TIGD7: variants seen among roughly 807,000 people sequenced by gnomAD.
The protein encoded by TIGD7 is tigger transposable element derived 7.
TIGD7 carries 26 observed loss-of-function variants against 24.8 expected under a neutral mutation model. That is an observed-to-expected ratio of 1.05 (90% CI 0.77 to 1.45). TIGD7 has a LOEUF of 1.45. Among genes scored for constraint, TIGD7 ranks in the 40% most tolerant of loss-of-function variants. TIGD7 has a pLI of 0.00. For missense variants in TIGD7, 679 were observed against 641.6 expected (o/e 1.06, Z -0.63); for synonymous variants, 221 against 224.1 (o/e 0.99, Z 0.12).
chr16:3,298,919 C>T lies in TIGD7; in HGVS notation c.*46G>A, dbSNP rs745865513. 2 of 781,938 alleles carry T rather than the reference C, an allele frequency of 2.6e-6. No homozygotes were observed. The allele number at this position is 781,938 out of a possible 1,614,324, so 48.4% of individuals were successfully genotyped here. On this transcript the variant is annotated 3_prime_UTR_variant, in exon 2 of 2. Transcript: ENST00000396862. ...TCAGTTGCTAAAACAAGACAATTCA[C>T]AGCTGGCCTACATCATATAATGGCA... is the stretch of plus-strand genomic sequence containing the variant.
At chr16:3,302,948 G>A (rs1321159902) in intron 1 of TIGD7, among the ~76,000 whole-genome samples, 2 of 148,784 alleles carry the variant, frequency 1.3e-5, no homozygotes, top group South Asian at 2.1e-4. Flanking sequence ...GGCCATTCTC[G>A]TGCCTCAGCC....
In TIGD7 at chr16:3,299,315, A is replaced by G. The variant is rs1279433023; in HGVS notation, c.1300T>C (p.Leu434=). Residue 434 remains leucine, a synonymous_variant, in exon 2 of 2, where the codon TTG becomes CTG. Coordinates refer to ENST00000396862, the MANE Select transcript of TIGD7 (RefSeq NM_033208.4). ...TTTAACCACACCCTATCATCATCCAACTTAGTTTCCAACTCCCCACATTTT... is the reference window on the plus strand; with the variant it reads ...TTTAACCACACCCTATCATCATCCAGCTTAGTTTCCAACTCCCCACATTTT... ...LEKCGELETK[L]DDDRVWLNGD... The G allele has an allele frequency of 6.2e-7, 1 of 1,602,280 alleles. No homozygotes were observed. The highest frequency in any genetic ancestry group is 1.3e-5 in the African/African-American group (1 of 74,186).
chr16:3,299,185 A>C lies in TIGD7; in HGVS notation c.1430T>G (p.Leu477Ter). The change falls in exon 2 of 2, where the codon TTA (leucine) becomes TGA (stop). Residue 477 changes from leucine to a stop codon, truncating the protein, a stop_gained. Coordinates refer to ENST00000396862, the MANE Select transcript of TIGD7 (RefSeq NM_033208.4). LOFTEE classifies it high-confidence loss of function. Reference protein sequence around the residue: ...EAEKQTAEFKLSAVRESLDYL... With the variant: ...EAEKQTAEFK ...GTCCAAACTCTCTCTTACAGCAGATAATTTAAATTCAGCAGTCTGCTTCTC... is the reference window on the plus strand; with the variant it reads ...GTCCAAACTCTCTCTTACAGCAGATCATTTAAATTCAGCAGTCTGCTTCTC... The C allele has an allele frequency of 6.3e-7, 1 of 1,592,276 alleles. No homozygotes were observed. The highest frequency in any genetic ancestry group is 1.8e-5 in the Admixed American group (1 of 54,962).
chr16:3,300,365 C>T lies in TIGD7; in HGVS notation c.250G>A (p.Val84Ile). Residue 84 changes from valine to isoleucine, a missense_variant, in exon 2 of 2, where the codon GTC (valine) becomes ATC (isoleucine). Val to Ile is a conservative substitution (Grantham distance 29). Transcript: ENST00000396862. ...GAKYGDVDDA[V>I]YMWYQQKRSA... Reference sequence around the variant, plus strand: ...CGTTTCTGTTGGTACCACATGTAGACCGCATCATCTACATCACCATATTTG... The same window carrying T: ...CGTTTCTGTTGGTACCACATGTAGATCGCATCATCTACATCACCATATTTG... The T allele has an allele frequency of 6.2e-7, 1 of 1,614,228 alleles. No homozygotes were observed. The highest frequency in any genetic ancestry group is 8.5e-7 in the Non-Finnish European group (1 of 1,180,024).
At position 3,299,057 on chromosome 16, in the gene TIGD7, T is replaced by C. The variant is rs1959850749; in HGVS notation, c.1558A>G (p.Ile520Val). Residue 520 changes from isoleucine to valine, a missense_variant, in exon 2 of 2, where the codon ATC becomes GTC. Physicochemically the swap from Ile to Val is conservative, Grantham distance 29. Coordinates refer to ENST00000396862, the MANE Select transcript of TIGD7 (RefSeq NM_033208.4). ...AAAAAGCTACCAATTCTAGAATGGA[T>C]TTTACTCTGGAACTGTTTCTTGACT... ...EIVKKQFQSK[I>V]HSRIGSFLKP... 1 of 1,402,800 alleles carries C rather than the reference T, an allele frequency of 7.1e-7. No individual in the cohort carries two copies. The highest frequency in any genetic ancestry group is 1.9e-5 in the South Asian group (1 of 51,698). 86.9% of individuals were successfully genotyped at this position (1,402,800 alleles called of 1,614,324 possible).
rs372216094 is a variant in TIGD7 at position 3,300,588 on chromosome 16, T to A, written c.27A>T (p.Thr9=). The A allele has an allele frequency of 3.1e-6, 5 of 1,593,378 alleles. No homozygotes were observed. Among genetic ancestry groups the A allele is most frequent in the Non-Finnish European group, 4.3e-6 (5 of 1,171,234 alleles). Residue 9 remains threonine (T), a synonymous_variant, in exon 2 of 2, where the codon ACA becomes ACT. Transcript: ENST00000396862. ...CCTTCATTTTCTCCTCCAAATTCAG[T>A]GTTGTATATTTCCCTCTCTTATTCA... MNKRGKYT[T]LNLEEKMKVL...
chr16:3,299,929 A>G lies in TIGD7; in HGVS notation c.686T>C (p.Ile229Thr), dbSNP rs374875213. Reference protein sequence around the residue: ...DGTHKLKSIIIGKSKLPKSVK... With the variant: ...DGTHKLKSIITGKSKLPKSVK... ...ACTTTTGGGCAGTTTTGATTTTCCAATAATGATTGACTTTAATTTATGAGT... is the reference window on the plus strand; with the variant it reads ...ACTTTTGGGCAGTTTTGATTTTCCAGTAATGATTGACTTTAATTTATGAGT... Residue 229 changes from isoleucine (I) to threonine (T), a missense_variant, in exon 2 of 2, where the codon ATT (isoleucine) becomes ACT (threonine). Ile to Thr is a moderately conservative substitution (Grantham distance 89). Coordinates refer to ENST00000396862, the MANE Select transcript of TIGD7 (RefSeq NM_033208.4). 7.4e-6 allele frequency: 12 copies of G among 1,612,644 alleles called. No individual in the cohort carries two copies. Among genetic ancestry groups the G allele is most frequent in the East Asian group, 2.2e-5 (1 of 44,894 alleles).
chr16:3,298,937 TA>T lies in TIGD7; in HGVS notation c.*27del. The T allele has an allele frequency of 1.9e-6, 2 of 1,027,398 alleles. No homozygotes were observed. Among genetic ancestry groups the T allele is most frequent in the Non-Finnish European group, 2.6e-6 (2 of 760,496 alleles). 63.6% of individuals were successfully genotyped at this position (1,027,398 alleles called of 1,614,324 possible). ...CAATTCACAGCTGGCCTACATCATA[TA>T]ATGGCAGAAATCTTTAAACACAAAA... On this transcript the variant is annotated 3_prime_UTR_variant, in exon 2 of 2. Coordinates refer to ENST00000396862, the MANE Select transcript of TIGD7 (RefSeq NM_033208.4).
Position 3,299,043 on chromosome 16 carries a change from A to G in TIGD7, c.1572T>C (p.Ile524=), listed in dbSNP as rs778748902. The part of the protein sequence containing the change: ...KQFQSKIHSR[I]GSFLKPRPHN... ...GAGGCCTAGGTTTCAAAAAGCTACC[A>G]ATTCTAGAATGGATTTTACTCTGGA... Residue 524 remains isoleucine, a synonymous_variant, in exon 2 of 2, where the codon ATT becomes ATC. Transcript: ENST00000396862. The G allele has an allele frequency of 7.2e-7, 1 of 1,381,102 alleles. No individual in the cohort carries two copies. Among genetic ancestry groups the G allele is most frequent in the Non-Finnish European group, 9.4e-7 (1 of 1,061,126 alleles). 85.6% of individuals were successfully genotyped at this position (1,381,102 alleles called of 1,614,324 possible).
Position 3,299,054 on chromosome 16 carries a change from G to A in TIGD7, c.1561C>T (p.His521Tyr). 6 of 1,400,810 alleles carry A rather than the reference G, an allele frequency of 4.3e-6. No individual in the cohort carries two copies. Among genetic ancestry groups the A allele is most frequent in the Non-Finnish European group, 5.6e-6 (6 of 1,072,654 alleles). 86.8% of individuals were successfully genotyped at this position (1,400,810 alleles called of 1,614,324 possible). A position where few individuals can be genotyped will look rare whatever the true frequency, so the allele number is the denominator to read the frequency against. ...TTCAAAAAGCTACCAATTCTAGAATGGATTTTACTCTGGAACTGTTTCTTG... is the reference window on the plus strand; with the variant it reads ...TTCAAAAAGCTACCAATTCTAGAATAGATTTTACTCTGGAACTGTTTCTTG... ...IVKKQFQSKI[H>Y]SRIGSFLKPR... The change falls in exon 2 of 2, where the codon CAT (histidine) becomes TAT (tyrosine). Residue 521 changes from histidine to tyrosine, a missense_variant. His to Tyr is a moderately conservative substitution (Grantham distance 83, BLOSUM62 2). Transcript: ENST00000396862.
At position 3,299,431 on chromosome 16, in the gene TIGD7, A is replaced by G; in HGVS notation, c.1184T>C (p.Ile395Thr). 6.4e-7 allele frequency: 1 copy of G among 1,565,286 alleles called. No homozygotes were observed. Reference protein sequence around the residue: ...KSWEEVKQITIANAWENLLYK... With the variant: ...KSWEEVKQITTANAWENLLYK... ...AAGAAGATTTTCCCATGCATTTGCT[A>G]TGGTTATTTGTTTTACTTCTTCCCA... Residue 395 changes from isoleucine (I) to threonine (T), a missense_variant, in exon 2 of 2, where the codon ATA becomes ACA. Physicochemically the swap from Ile to Thr is moderately conservative, Grantham distance 89. Coordinates refer to ENST00000396862, the MANE Select transcript of TIGD7 (RefSeq NM_033208.4).
chr16:3,299,943 T>C lies in TIGD7; in HGVS notation c.672A>G (p.Leu224=). 6.2e-7 allele frequency: 1 copy of C among 1,613,134 alleles called. No homozygotes were observed. Among genetic ancestry groups the C allele is most frequent in the Non-Finnish European group, 8.5e-7 (1 of 1,179,682 alleles). ...TTGATTTTCCAATAATGATTGACTT[T>C]AATTTATGAGTTCCGTCTGCATTTG... The part of the protein sequence containing the change: ...LCANADGTHK[L]KSIIIGKSKL... Residue 224 remains leucine (L), a synonymous_variant, in exon 2 of 2, where the codon TTA becomes TTG. Transcript: ENST00000396862.
chr16:3,299,776 T>C lies in TIGD7; in HGVS notation c.839A>G (p.Asn280Ser). 1 of 1,564,892 alleles carries C rather than the reference T, an allele frequency of 6.4e-7. No homozygotes were observed. The highest frequency in any genetic ancestry group is 8.6e-7 in the Non-Finnish European group (1 of 1,160,998). ...GTCCTCGTCATGAAATCTTAGAACA[T>C]TAAGTTGAAAATGTCGGACCTCAGG... ...FVPEVRHFQL[N>S]VLRFHDEDVR... Residue 280 changes from asparagine to serine, a missense_variant, in exon 2 of 2, where the codon AAT (asparagine) becomes AGT (serine). Asn to Ser is a conservative substitution (Grantham distance 46). Transcript: ENST00000396862.
chr16:3,300,013 G>T lies in TIGD7; in HGVS notation c.602C>A (p.Pro201Gln), dbSNP rs1959889705. Reference protein sequence around the residue: ...SQASRKDICLPGKKINKERLS... With the variant: ...SQASRKDICLQGKKINKERLS... ...CCTTTCTTTGTTTATTTTCTTCCCTGGTAGGCAGATATCTTTCCTACTTGC... is the reference window on the plus strand; with the variant it reads ...CCTTTCTTTGTTTATTTTCTTCCCTTGTAGGCAGATATCTTTCCTACTTGC... The change falls in exon 2 of 2, where the codon CCA becomes CAA. Residue 201 changes from proline (P) to glutamine (Q), a missense_variant. Transcript: ENST00000396862. The T allele has an allele frequency of 6.2e-7, 1 of 1,613,948 alleles. No individual in the cohort carries two copies. The highest frequency in any genetic ancestry group is 1.3e-5 in the African/African-American group (1 of 74,876).
chr16:3,299,743 G>C lies in TIGD7; in HGVS notation c.872C>G (p.Ala291Gly). ...CGGGCAACTGTCCAGAAGTAACAATGCCCTGACGTCCTCGTCATGAAATCT... is the reference window on the plus strand; with the variant it reads ...CGGGCAACTGTCCAGAAGTAACAATCCCCTGACGTCCTCGTCATGAAATCT... ...VLRFHDEDVR[A>G]LLLLDSCPAH... Residue 291 changes from alanine to glycine, a missense_variant, in exon 2 of 2, where the codon GCA (alanine) becomes GGA (glycine). Ala to Gly is a moderately conservative substitution (Grantham distance 60). Transcript: ENST00000396862. 1.9e-6 allele frequency: 3 copies of C among 1,543,904 alleles called. No homozygotes were observed. The highest frequency in any genetic ancestry group is 2.6e-6 in the Non-Finnish European group (3 of 1,149,834).
chr16:3,303,579 T>C (rs1200290274), intron 1 of TIGD7, among the ~76,000 whole-genome samples: 1 of 152,212 alleles, frequency 6.6e-6, no homozygotes, highest in Non-Finnish European at 1.5e-5. Flanking sequence ...TGAACCTACT[T>C]AGACACAAAT....
chr16:3,299,812 TGA>T lies in TIGD7; in HGVS notation c.801_802del (p.Phe267LeufsTer6). On this transcript the variant is annotated frameshift_variant, in exon 2 of 2. Transcript: ENST00000396862. LOFTEE classifies it high-confidence loss of function. The stretch of plus-strand genomic sequence containing the variant: ...ATGTCGGACCTCAGGAACAAAGTTT[TGA>T]AAAAACCATTCTGAAAACAATTCTC... The T allele has an allele frequency of 6.3e-7, 1 of 1,586,884 alleles. No individual in the cohort carries two copies. The highest frequency in any genetic ancestry group is 8.5e-7 in the Non-Finnish European group (1 of 1,170,458).
intron 1 of TIGD7, among the ~76,000 whole-genome samples, 179 bp from the exon 2 acceptor site, chr16:3,302,188 C>A (rs1031845035): frequency 6.6e-6 from 1 of 151,884 alleles, no homozygotes; most frequent in African/African-American, 2.4e-5. Flanking sequence ...AGTGCGATGC[C>A]GCCATCTCGG....
rs1162161444 is a variant in TIGD7, at chr16:3,300,272, CAA to C, written c.341_342del (p.Phe114TrpfsTer8). On this transcript the variant is annotated frameshift_variant, in exon 2 of 2. Transcript: ENST00000396862. LOFTEE classifies it high-confidence loss of function. ...QAAAERFARC[F>X]GRTDFKASTG... ...GTGCTAGCTTTGAAATCTGTTCGCCCAAAACACCGTGCAAATCTCTCTGCAGC... is the reference window on the plus strand; with the variant it reads ...GTGCTAGCTTTGAAATCTGTTCGCCCAACACCGTGCAAATCTCTCTGCAGC... The C allele has an allele frequency of 6.2e-7, 1 of 1,614,180 alleles. No individual in the cohort carries two copies. The highest frequency in any genetic ancestry group is 1.1e-5 in the South Asian group (1 of 91,084).
Sources: allele counts gnomAD v4.1 joint callset (sites outside exome capture counted in the v4.1 genomes callset), GRCh38; gene constraint gnomAD v4.1.1; transcripts MANE v1.5; gene names NCBI Gene and HGNC (gene_info 2026-07-23, HGNC 2026-07-21).